The following BLVRA variants were observed in gnomAD, a reference collection of about 807,000 sequenced individuals.
The protein encoded by BLVRA is biliverdin reductase A.
BLVRA carries 22 observed loss-of-function variants against 32.8 expected under a neutral mutation model. The ratio of observed to expected loss-of-function variants is 0.67; its 90% confidence interval spans 0.48 to 0.96. BLVRA has a LOEUF of 0.96. BLVRA is among the 40% of genes least tolerant of loss of function. The pLI, the probability that BLVRA is intolerant of heterozygous loss-of-function variation, is 0.00. For synonymous variants in BLVRA, 119 were observed against 141.3 expected (o/e 0.84, Z 1.12); for missense variants, 323 against 358.1 (o/e 0.90, Z 0.79).
At chr7:43,788,803 A>ATTT (rs764196616) in intron 3 of BLVRA, among the ~76,000 whole-genome samples, 1 of 139,636 alleles carries the variant, frequency 7.2e-6, no homozygotes, top group Non-Finnish European at 1.6e-5. Context: ...CGCCTGGATA[A>ATTT]TTTTTTTTTT....
intron 2 of BLVRA, among the ~76,000 whole-genome samples, chr7:43,775,538 T>G (rs1278049555): frequency 1.3e-5 from 2 of 152,220 alleles, no homozygotes; most frequent in Non-Finnish European, 2.9e-5. Context: ...TGGATTTGGT[T>G]TGCCAGTATT....
chr7:43,807,017 C>T lies in BLVRA; in HGVS notation c.673C>T (p.Arg225Ter), dbSNP rs754440828. 8 of 1,614,100 alleles carry T rather than the reference C, an allele frequency of 5.0e-6. No individual in the cohort carries two copies. The highest frequency in any genetic ancestry group is 4.2e-6 in the Non-Finnish European group (5 of 1,179,956). The change falls in exon 8 of 8, where the codon CGA becomes TGA. Residue 225 changes from arginine (R) to a stop codon, truncating the protein, a stop_gained. Coordinates refer to ENST00000265523, the MANE Select transcript of BLVRA (RefSeq NM_000712.4). LOFTEE classifies it high-confidence loss of function. ...TGAAGAAAAAGGACCTGGTCTAAAACGAAACAGATATTTAAGCTTCCATTT... is the reference window on the plus strand; with the variant it reads ...TGAAGAAAAAGGACCTGGTCTAAAATGAAACAGATATTTAAGCTTCCATTT... ...WIEEKGPGLK[R>*]NRYLSFHFKS...
intron 1 of BLVRA, chr7:43,767,235 A>G (rs1160847859): frequency 1.2e-5 from 9 of 720,828 alleles, no homozygotes; most frequent in East Asian, 2.5e-5. Flanking sequence ...AGATCTCATT[A>G]GAAAAGAAAA....
Position 43,806,429 on chromosome 7 carries a change from G to A in BLVRA, c.633-548G>A, listed in dbSNP as rs373013520. On this transcript the variant is annotated intron_variant, in intron 7 of 7. Transcript: ENST00000265523. ...CATCTCCCAGAACATTTGCTAGACTGTACTATGAGCTTTTAAAACTAGTCA... is the reference window on the plus strand; with the variant it reads ...CATCTCCCAGAACATTTGCTAGACTATACTATGAGCTTTTAAAACTAGTCA... Among the ~76,000 whole-genome samples, 5 of 151,704 alleles carry A rather than the reference G, an allele frequency of 3.3e-5. No individual in the cohort carries two copies. The East Asian group carries it at 7.8e-4, about 24-fold the overall frequency.
chr7:43,806,346 G>A (rs552099658), intron 7 of BLVRA, among the ~76,000 whole-genome samples: 11 of 152,226 alleles, frequency 7.2e-5, no homozygotes, highest in African/African-American at 2.4e-4. Flanking sequence ...GGCAGACTAC[G>A]TAGAATACCT....
chr7:43,774,678 A>C (rs143948194), intron 2 of BLVRA, among the ~76,000 whole-genome samples: 23,081 of 152,180 alleles, frequency 0.15, 2,201 homozygotes, highest in Non-Finnish European at 0.21. Flanking sequence ...CTGTGAAGAA[A>C]GTCATTTGTA....
intron 5 of BLVRA, among the ~76,000 whole-genome samples, chr7:43,793,513 C>T (rs1239806328): frequency 1.3e-5 from 2 of 152,122 alleles, no homozygotes; most frequent in African/African-American, 4.8e-5. Context: ...CCAGGCCAGA[C>T]GCAGTGGCTC....
rs2095797397 is a variant in BLVRA at position 43,800,457 on chromosome 7, C to T, written c.353-8C>T. 5 of 1,613,062 alleles carry T rather than the reference C, an allele frequency of 3.1e-6. No individual in the cohort carries two copies. Among genetic ancestry groups the T allele is most frequent in the African/African-American group, 1.3e-5 (1 of 74,864 alleles). On this transcript the variant is annotated splice_region_variant and splice_polypyrimidine_tract_variant and intron_variant, in intron 5 of 7. Transcript: ENST00000265523. ...ACTGCCCTTTTTATTCCATTTTTGT[C>T]GTTACAGGAAAAGTCTTGCACGAGG...
At chr7:43,761,420 A>G (rs1304245812) in intron 1 of BLVRA, among the ~76,000 whole-genome samples, 1 of 152,230 alleles carries the variant, frequency 6.6e-6, no homozygotes, top group African/African-American at 2.4e-5. Context: ...TTTATATTCC[A>G]ATAGCCACTC....
At chr7:43,796,132 A>AG (rs935414118) in intron 5 of BLVRA, among the ~76,000 whole-genome samples, 8 of 151,566 alleles carry the variant, frequency 5.3e-5, no homozygotes, top group Admixed American at 1.3e-4. Context: ...AAAAAAAAAA[A>AG]AAAAAGAAAA....
chr7:43,789,998 A>G (rs1332289408), intron 3 of BLVRA, among the ~76,000 whole-genome samples: 2 of 152,126 alleles, frequency 1.3e-5, no homozygotes, highest in African/African-American at 4.8e-5. Context: ...TAGGCAAACA[A>G]TAAGTATTGC....
intron 1 of BLVRA, among the ~76,000 whole-genome samples, chr7:43,769,932 C>T (rs548364122): frequency 1.3e-5 from 2 of 152,314 alleles, no homozygotes; most frequent in East Asian, 1.9e-4. Flanking sequence ...ATTTTCAACA[C>T]AAAGCCTACA....
At chr7:43,778,932 C>A (rs1391024188) in intron 2 of BLVRA, among the ~76,000 whole-genome samples, 1 of 152,256 alleles carries the variant, frequency 6.6e-6, no homozygotes, top group African/African-American at 2.4e-5. Flanking sequence ...ATCAGCGAGA[C>A]TCCGTGGGCA....
At chr7:43,783,064 G>A (rs1426302891) in intron 2 of BLVRA, among the ~76,000 whole-genome samples, 2 of 152,040 alleles carry the variant, frequency 1.3e-5, no homozygotes, top group African/African-American at 2.4e-5. Flanking sequence ...GAGCCAAGGC[G>A]CTATACACTG....
At position 43,792,703 on chromosome 7, in the gene BLVRA, C is replaced by G; in HGVS notation, c.255-12C>G. On this transcript the variant is annotated splice_polypyrimidine_tract_variant and intron_variant, in intron 4 of 7. Coordinates refer to ENST00000265523, the MANE Select transcript of BLVRA (RefSeq NM_000712.4). ...AAGTGTTCTTTCTCTGTATTTGTCT[C>G]GTTTACCAAAGGCAGTTCCTTAATG... 6.2e-7 allele frequency: 1 copy of G among 1,611,060 alleles called. No homozygotes were observed. The highest frequency in any genetic ancestry group is 8.5e-7 in the Non-Finnish European group (1 of 1,177,290).
At chr7:43,800,748 G>A (rs2246171) in intron 6 of BLVRA, among the ~76,000 whole-genome samples, 176 bp downstream of exon 6, 126,767 of 152,164 alleles carry the variant, frequency 0.83, 53,319 homozygotes, top group African/African-American at 0.95. Context: ...TAAAGAGTAT[G>A]TTAGAAATCT....
At chr7:43,796,121 C>CAAAAAAAAAAAAAAAAAAAAAAAAA (rs371922009) in intron 5 of BLVRA, among the ~76,000 whole-genome samples, 1 of 66,666 alleles carries the variant, frequency 1.5e-5, no homozygotes, top group Non-Finnish European at 3.0e-5. Context: ...CTCTGTCTCA[C>CAAAAAAAAAAAAAAAAAAAAAAAAA]AAAAAAAAAA....
chr7:43,763,157 A>C (rs1044735982), intron 1 of BLVRA, among the ~76,000 whole-genome samples: 10 of 152,098 alleles, frequency 6.6e-5, no homozygotes, highest in Non-Finnish European at 1.2e-4. Flanking sequence ...CACAGGGAAG[A>C]GCTTCAGTGG....
Position 43,787,774 on chromosome 7 carries a change from T to C in BLVRA, c.13-130T>C, listed in dbSNP as rs17239537. ...GGACTGTCTCATCCCATCCTGATGC[T>C]GTGGCTTCCTGTGTGTTTTGGGCTG... On this transcript the variant is annotated intron_variant, in intron 2 of 7. Coordinates refer to ENST00000265523, the MANE Select transcript of BLVRA (RefSeq NM_000712.4). The surrounding 1 kb of genome is among the most constrained non-coding windows in gnomAD (Gnocchi z 4.5). 261,649 of 1,395,658 alleles carry C rather than the reference T, an allele frequency of 0.19. 26,874 individuals carry two copies. The highest frequency in any genetic ancestry group is 0.21 in the Non-Finnish European group (210,589 of 985,180). 86.5% of individuals were successfully genotyped at this position (1,395,658 alleles called of 1,614,324 possible).
Sources: allele counts gnomAD v4.1 joint callset (sites outside exome capture counted in the v4.1 genomes callset), GRCh38; gene constraint gnomAD v4.1.1; non-coding constraint Gnocchi (gnomAD v3.1); transcripts MANE v1.5; gene names NCBI Gene and HGNC (gene_info 2026-07-23, HGNC 2026-07-21).